NRG3: variants seen among roughly 807,000 people sequenced by gnomAD.
The protein encoded by NRG3 is pro-neuregulin-3, membrane-bound isoform.
In NRG3, 31 loss-of-function variants were observed where a neutral mutation model predicts 66.9. The ratio of observed to expected loss-of-function variants is 0.46; its 90% CI spans 0.35 to 0.63. The LOEUF (loss-of-function observed/expected upper bound fraction) is 0.63. Among genes scored for constraint, NRG3 ranks in the 20% least tolerant of loss-of-function variants. The pLI, the probability that NRG3 is intolerant of heterozygous loss-of-function variation, is 0.00. For synonymous variants in NRG3, 393 were observed against 359.4 expected (o/e 1.09, Z -1.06); for missense variants, 910 against 878.9 (o/e 1.04, Z -0.45).
At chr10:82,825,864 AT>A (rs1164067771) in intron 3 of NRG3, among the ~76,000 whole-genome samples, 1 of 152,188 alleles carries the variant, frequency 6.6e-6, no homozygotes, top group Non-Finnish European at 1.5e-5. Context: ...TTAAAAATGC[AT>A]ACTTTCTATA....
intron 1 of NRG3, among the ~76,000 whole-genome samples, chr10:82,213,843 A>G (rs1344585618): frequency 1.3e-5 from 2 of 152,184 alleles, no homozygotes; most frequent in Non-Finnish European, 2.9e-5. Context: ...TTGTTTTGTT[A>G]TCATTTTATA....
intron 1 of NRG3, among the ~76,000 whole-genome samples, chr10:82,160,078 G>A (rs898501497): frequency 1.3e-5 from 2 of 151,934 alleles, no homozygotes; most frequent in African/African-American, 4.8e-5. Context: ...CACATAGCCT[G>A]TAAGAATTTA....
intron 2 of NRG3, among the ~76,000 whole-genome samples, chr10:82,619,097 G>A (rs564127913): frequency 6.6e-6 from 1 of 152,132 alleles, no homozygotes; most frequent in Admixed American, 6.5e-5. Flanking sequence ...TTGGGCCAAA[G>A]TATTACTGCC....
intron 2 of NRG3, among the ~76,000 whole-genome samples, chr10:82,697,116 A>G (rs1054735288): frequency 6.6e-6 from 1 of 152,170 alleles, no homozygotes; most frequent in African/African-American, 2.4e-5. Context: ...AAAAAGTTTC[A>G]TATTTGGGGT....
chr10:81,981,667 C>G (rs1238348170), intron 1 of NRG3, among the ~76,000 whole-genome samples: 1 of 152,148 alleles, frequency 6.6e-6, no homozygotes, highest in Non-Finnish European at 1.5e-5. Flanking sequence ...AGACCTGGGC[C>G]CATGGTGAGA....
chr10:82,654,688 G>A (rs1484461451), intron 2 of NRG3, among the ~76,000 whole-genome samples: 1 of 151,850 alleles, frequency 6.6e-6, no homozygotes, highest in African/African-American at 2.4e-5. Context: ...TTGATATCAA[G>A]GTAAATAAAA....
chr10:82,281,543 T>A (rs2079120307), intron 1 of NRG3, among the ~76,000 whole-genome samples: 1 of 152,136 alleles, frequency 6.6e-6, no homozygotes, highest in Non-Finnish European at 1.5e-5. Context: ...GGGGTGGAAC[T>A]GACTCCAGGG....
At chr10:82,621,536 T>C (rs977527964) in intron 2 of NRG3, among the ~76,000 whole-genome samples, 4 of 152,200 alleles carry the variant, frequency 2.6e-5, no homozygotes, top group Admixed American at 2.6e-4. Context: ...GTTAGTATCA[T>C]CTGATATCAT....
intron 2 of NRG3, among the ~76,000 whole-genome samples, chr10:82,627,464 C>G (rs908378826): frequency 6.6e-5 from 10 of 151,860 alleles, no homozygotes; most frequent in African/African-American, 2.2e-4. Context: ...TATATTTTTG[C>G]TGTAGAAAAA....
intron 1 of NRG3, among the ~76,000 whole-genome samples, chr10:82,350,213 A>G (rs767020481): frequency 1.4e-4 from 21 of 152,360 alleles, no homozygotes; most frequent in South Asian, 4.1e-4. Context: ...AAACATTATC[A>G]GAGATTTGGA....
intron 1 of NRG3, among the ~76,000 whole-genome samples, chr10:82,055,331 G>A (rs1041962756): frequency 6.6e-6 from 1 of 151,702 alleles, no homozygotes; most frequent in African/African-American, 2.4e-5. Context: ...AAAAAAAATA[G>A]CCAGGCATGG....
At chr10:82,407,971 A>C (rs1332416962) in intron 2 of NRG3, among the ~76,000 whole-genome samples, 1 of 150,714 alleles carries the variant, frequency 6.6e-6, no homozygotes, top group African/African-American at 2.4e-5. Context: ...CAGGAGGCTG[A>C]GGCAGGAGAA....
chr10:82,020,257 C>T (rs1296764766), intron 1 of NRG3, among the ~76,000 whole-genome samples: 1 of 152,086 alleles, frequency 6.6e-6, no homozygotes, highest in Admixed American at 6.6e-5. Context: ...GAAAAGAAAT[C>T]ACATATTTGT....
intron 2 of NRG3, among the ~76,000 whole-genome samples, 169 bp downstream of exon 2, chr10:82,359,037 A>G (rs1342623671): frequency 6.6e-6 from 1 of 152,224 alleles, no homozygotes; most frequent in Non-Finnish European, 1.5e-5. Context: ...CTGCCTCTTT[A>G]ACAGTGGAAG....
At chr10:82,706,678 C>A (rs888847468) in intron 2 of NRG3, among the ~76,000 whole-genome samples, 1 of 152,042 alleles carries the variant, frequency 6.6e-6, no homozygotes. Context: ...ATATTTTATT[C>A]CAGACACCCA....
intron 1 of NRG3, among the ~76,000 whole-genome samples, chr10:81,989,046 C>T (rs1316654423): frequency 6.6e-6 from 1 of 152,076 alleles, no homozygotes; most frequent in African/African-American, 2.4e-5. Flanking sequence ...ATTACACTCT[C>T]TGTATATTGC....
At chr10:82,369,541 C>A (rs1156475934) in intron 2 of NRG3, among the ~76,000 whole-genome samples, 3 of 138,104 alleles carry the variant, frequency 2.2e-5, no homozygotes, top group Admixed American at 6.8e-5. Flanking sequence ...CACAAGTGAT[C>A]CTCCTTCCTT....
At chr10:82,785,554 T>C (rs2060322025) in intron 3 of NRG3, among the ~76,000 whole-genome samples, 1 of 152,066 alleles carries the variant, frequency 6.6e-6, no homozygotes, top group Non-Finnish European at 1.5e-5. Context: ...ATGGAGTAAA[T>C]ACCATTCTTT....
intron 1 of NRG3, among the ~76,000 whole-genome samples, chr10:82,347,692 G>A (rs962283474): frequency 5.9e-5 from 9 of 152,142 alleles, no homozygotes; most frequent in Admixed American, 2.0e-4. Context: ...TTATTATTGT[G>A]TGGGAGTCTA....
Sources: allele counts gnomAD v4.1 joint callset (sites outside exome capture counted in the v4.1 genomes callset), GRCh38; gene constraint gnomAD v4.1.1; transcripts MANE v1.5; gene names NCBI Gene and HGNC (gene_info 2026-07-23, HGNC 2026-07-21).